The following PARD3B variants were observed in gnomAD, a reference collection of about 807,000 sequenced individuals.
PARD3B encodes the protein par-3 family cell polarity regulator beta, also known as partitioning defective 3 homolog B.
PARD3B carries 103 observed loss-of-function variants against 130.2 expected under a neutral mutation model. The observed-to-expected ratio is 0.79, with a 90% confidence interval of 0.67 to 0.93. The LOEUF is 0.93. Ranked by LOEUF, PARD3B falls within the 40% of genes least tolerant of loss-of-function variation. PARD3B has a pLI of 0.00. For synonymous variants in PARD3B, 583 were observed against 553.2 expected (o/e 1.05, Z -0.76); for missense variants, 1,609 against 1,499.2 (o/e 1.07, Z -1.21).
intron 2 of PARD3B, among the ~76,000 whole-genome samples, chr2:204,899,639 A>G (rs2046786336): frequency 6.6e-6 from 1 of 152,202 alleles, no homozygotes; most frequent in East Asian, 1.9e-4. Context: ...TACTTAAGAT[A>G]CAGGTAGGTC....
chr2:205,245,662 C>T, intron 15 of PARD3B, 116 bp from the exon 16 acceptor site: 1 of 791,834 alleles, frequency 1.3e-6, no homozygotes, highest in Non-Finnish European at 2.0e-6. Flanking sequence ...AAATGTTTCT[C>T]AAATCTCTGC....
chr2:204,617,416 A>C (rs140152439), intron 1 of PARD3B, among the ~76,000 whole-genome samples: 67 of 152,262 alleles, frequency 4.4e-4, no homozygotes, highest in African/African-American at 1.6e-3. Context: ...TTCCCAGGTA[A>C]AAATCAGTCT....
At chr2:205,246,988 G>GAA (rs2039600991) in intron 16 of PARD3B, among the ~76,000 whole-genome samples, 1 of 152,136 alleles carries the variant, frequency 6.6e-6, no homozygotes, top group African/African-American at 2.4e-5. Context: ...GCTTCAGAAG[G>GAA]AAGTTCTCAT....
chr2:205,286,144 G>GT (rs910454003), intron 16 of PARD3B, among the ~76,000 whole-genome samples: 55 of 151,364 alleles, frequency 3.6e-4, no homozygotes, highest in Admixed American at 9.2e-4. Flanking sequence ...GAACAAAACA[G>GT]TTTTTTTTTC....
chr2:205,400,791 AGAAGGAAG>A (rs945164474), intron 18 of PARD3B, among the ~76,000 whole-genome samples: 2 of 152,190 alleles, frequency 1.3e-5, no homozygotes, highest in Non-Finnish European at 2.9e-5. Flanking sequence ...ATGAGTGAAA[AGAAGGAAG>A]GAAGGAAGGA....
At chr2:205,487,783 A>G (rs1169452651) in intron 20 of PARD3B, among the ~76,000 whole-genome samples, 1 of 152,214 alleles carries the variant, frequency 6.6e-6, no homozygotes, top group Non-Finnish European at 1.5e-5. Context: ...TAAATGTCAG[A>G]TATGTATTCT....
chr2:204,829,419 G>T (rs1324372470), intron 2 of PARD3B, among the ~76,000 whole-genome samples: 1 of 152,166 alleles, frequency 6.6e-6, no homozygotes, highest in East Asian at 1.9e-4. Context: ...TTCAAATCTT[G>T]TACTTTGTCT....
rs1171489181 is a variant in PARD3B at position 204,545,624 on chromosome 2, G to GCCAGGC, written c.-371_-370insCCCAGG. ...CCCTGCCAACGCCGCCAGGGCCAGG[G>GCCAGGC]CCAGGGCCAGGACCAGCGACAGGGC... is the stretch of plus-strand genomic sequence containing the variant. On this transcript the variant is annotated 5_prime_UTR_variant, in exon 1 of 23. Coordinates refer to ENST00000406610, the MANE Select transcript of PARD3B (RefSeq NM_001302769.2). 1.3e-5 allele frequency among the ~76,000 whole-genome samples: 2 copies of GCCAGGC among 151,976 alleles called. No individual in the cohort carries two copies. Among genetic ancestry groups the GCCAGGC allele is most frequent in the African/African-American group, 4.8e-5 (2 of 41,434 alleles).
intron 18 of PARD3B, among the ~76,000 whole-genome samples, chr2:205,327,554 A>T (rs2042977655): frequency 6.6e-6 from 1 of 152,224 alleles, no homozygotes; most frequent in African/African-American, 2.4e-5. Flanking sequence ...TTGCTTGCCC[A>T]TGGGCAGATA....
In PARD3B at chr2:205,124,376, T is replaced by A; in HGVS notation, c.1215T>A (p.His405Gln). ...FTVVTRDSSI[H>Q]GPGPIFVKNI... ...TGGTTACCAGAGACTCTTCCATACATGGTCCCGGTCCCATTTTTGTAAAAA... is the reference window on the plus strand; with the variant it reads ...TGGTTACCAGAGACTCTTCCATACAAGGTCCCGGTCCCATTTTTGTAAAAA... Residue 405 changes from histidine (H) to glutamine (Q), a missense_variant, in exon 9 of 23, where the codon CAT (histidine) becomes CAA (glutamine). Physicochemically the swap from His to Gln is conservative, Grantham distance 24 (BLOSUM62 0). Transcript: ENST00000406610. 6.2e-7 allele frequency: 1 copy of A among 1,600,412 alleles called. No individual in the cohort carries two copies.
At chr2:205,076,662 T>A (rs1250831123) in intron 4 of PARD3B, among the ~76,000 whole-genome samples, 2 of 152,120 alleles carry the variant, frequency 1.3e-5, no homozygotes, top group Admixed American at 6.6e-5. Context: ...TAGGTTCTCA[T>A]GGAAGTGTGG....
chr2:205,561,456 G>A (rs2053133756), intron 22 of PARD3B, among the ~76,000 whole-genome samples: 1 of 152,186 alleles, frequency 6.6e-6, no homozygotes, highest in African/African-American at 2.4e-5. Flanking sequence ...GTCTGGGTCT[G>A]TAAAAGCTGA....
chr2:205,178,038 G>T (rs981730326), intron 13 of PARD3B, among the ~76,000 whole-genome samples: 3 of 149,666 alleles, frequency 2.0e-5, no homozygotes, highest in Middle Eastern at 3.4e-3. Flanking sequence ...GGGCACAGTG[G>T]CTCACGCCTG....
chr2:205,047,250 A>T (rs2125411766), intron 3 of PARD3B, among the ~76,000 whole-genome samples: 1 of 152,286 alleles, frequency 6.6e-6, no homozygotes, highest in Admixed American at 6.5e-5. Context: ...CTGGATAATC[A>T]TTCTTTTTAA....
intron 3 of PARD3B, among the ~76,000 whole-genome samples, chr2:205,029,020 A>G (rs1697234639): frequency 6.6e-6 from 1 of 152,142 alleles, no homozygotes; most frequent in Non-Finnish European, 1.5e-5. Flanking sequence ...AAATGGCAAG[A>G]AACAAGAATA....
At position 205,613,347 on chromosome 2, in the gene PARD3B, A is replaced by T. The variant is rs10186058; in HGVS notation, c.3261-2109A>T. On this transcript the variant is annotated intron_variant, in intron 22 of 22. Coordinates refer to ENST00000406610, the MANE Select transcript of PARD3B (RefSeq NM_001302769.2). ...TGAGAGAAAGTACAGGTTAAGAAAA[A>T]TTTTTTGAGTGTATCGGATATCTCC... 2.6e-5 allele frequency among the ~76,000 whole-genome samples: 4 copies of T among 152,308 alleles called. 1 individual carries two copies. The highest frequency in any genetic ancestry group is 2.6e-4 in the Admixed American group (4 of 15,304).
chr2:205,284,054 G>T (rs2041293231), intron 16 of PARD3B, among the ~76,000 whole-genome samples: 1 of 152,196 alleles, frequency 6.6e-6, no homozygotes. Context: ...ATTAAATCAA[G>T]AAAGCAGATT....
At chr2:204,848,458 GACCTTGTCTCT>G (rs1255501682) in intron 2 of PARD3B, among the ~76,000 whole-genome samples, 1 of 152,070 alleles carries the variant, frequency 6.6e-6, no homozygotes, top group Non-Finnish European at 1.5e-5. Flanking sequence ...AACATTGTGA[GACCTTGTCTCT>G]ACAAAAATAA....
chr2:205,359,257 G>T (rs945016014), intron 18 of PARD3B, among the ~76,000 whole-genome samples: 3 of 152,142 alleles, frequency 2.0e-5, no homozygotes, highest in Non-Finnish European at 2.9e-5. Context: ...TAATTCATCT[G>T]TTCTGCTTTT....
Sources: gnomAD v4.1 joint callset for allele counts (sites outside exome capture counted in the v4.1 genomes callset) on GRCh38, gnomAD v4.1.1 for gene constraint, MANE v1.5 for transcripts, NCBI Gene and HGNC (gene_info 2026-07-23, HGNC 2026-07-21) for gene names.